RUNX2: variants seen among roughly 807,000 people sequenced by gnomAD.
The protein encoded by RUNX2 is runt-related transcription factor 2.
In RUNX2, 10 loss-of-function variants were observed where a neutral mutation model predicts 51.7. That is an observed-to-expected ratio of 0.19 (90% confidence interval 0.12 to 0.33). The LOEUF (loss-of-function observed/expected upper bound fraction) is 0.33, where lower values mean the gene tolerates loss of function less well. RUNX2 is among the 10% of genes least tolerant of loss of function. The pLI is 1.00. For missense variants in RUNX2, 562 were observed against 691.3 expected (o/e 0.81, Z 2.10); for synonymous variants, 276 against 273.6 (o/e 1.01, Z -0.09).
At chr6:45,502,287 C>T (rs534485980) in intron 6 of RUNX2, among the ~76,000 whole-genome samples, 3 of 152,284 alleles carry the variant, frequency 2.0e-5, no homozygotes, top group East Asian at 3.9e-4. Context: ...TTGTTCTGCT[C>T]TTTCTATGTA....
In RUNX2 at chr6:45,442,364, T is replaced by TAGC. The variant is rs1181447945; in HGVS notation, c.685+4324_685+4326dup. On this transcript the variant is annotated intron_variant, in intron 5 of 8. Transcript: ENST00000647337. Reference sequence around the variant, plus strand: ...ACAACTGTCAGCCGGAGAAGTGGTGTAGCAGCAGCAGCAATAGTAATGCAT... The same window carrying TAGC: ...ACAACTGTCAGCCGGAGAAGTGGTGTAGCAGCAGCAGCAGCAATAGTAATGCAT... Among the ~76,000 whole-genome samples, 3 of 152,342 alleles carry TAGC rather than the reference T, an allele frequency of 2.0e-5. No individual in the cohort carries two copies. The East Asian group carries it at 5.8e-4, about 29-fold the overall frequency.
chr6:45,386,636 G>A (rs1031949879), intron 2 of RUNX2, among the ~76,000 whole-genome samples: 1 of 152,132 alleles, frequency 6.6e-6, no homozygotes, highest in Admixed American at 6.5e-5. Context: ...TAAATGTTGG[G>A]TTTTTTTGTC....
chr6:45,465,101 A>G (rs945379164), intron 5 of RUNX2, among the ~76,000 whole-genome samples: 2 of 152,222 alleles, frequency 1.3e-5, no homozygotes, highest in Non-Finnish European at 2.9e-5. Flanking sequence ...ATGGTTCCTT[A>G]TAAATCACTC....
intron 5 of RUNX2, among the ~76,000 whole-genome samples, chr6:45,446,661 A>G (rs1226913287): frequency 2.0e-5 from 3 of 152,028 alleles, no homozygotes; most frequent in East Asian, 1.9e-4. Flanking sequence ...AATAGCAGGG[A>G]AAAAAAAGAT....
At chr6:45,494,775 T>G (rs1188964037) in intron 6 of RUNX2, among the ~76,000 whole-genome samples, 1 of 152,214 alleles carries the variant, frequency 6.6e-6, no homozygotes, top group African/African-American at 2.4e-5. Context: ...TAGGTTCAAT[T>G]TTTTAATCTC....
chr6:45,385,159 G>A (rs1047757625), intron 2 of RUNX2, among the ~76,000 whole-genome samples: 2 of 152,146 alleles, frequency 1.3e-5, no homozygotes, highest in Admixed American at 6.5e-5. Context: ...CTTCTTACTG[G>A]TGAATTTAGG....
chr6:45,446,487 C>T (rs1799002068), intron 5 of RUNX2, among the ~76,000 whole-genome samples: 1 of 151,100 alleles, frequency 6.6e-6, no homozygotes, highest in African/African-American at 2.4e-5. Flanking sequence ...CCCTCCCCCC[C>T]TTTTTTTGTC....
chr6:45,539,370 T>C (rs947407408), intron 7 of RUNX2, among the ~76,000 whole-genome samples: 2 of 152,206 alleles, frequency 1.3e-5, no homozygotes, highest in African/African-American at 4.8e-5. Flanking sequence ...TCGAGGGACT[T>C]TCCCTCTCTT....
chr6:45,470,111 A>G lies in RUNX2; in HGVS notation c.686-21830A>G, dbSNP rs372623467. On this transcript the variant is annotated intron_variant, in intron 5 of 8. Coordinates refer to ENST00000647337, the MANE Select transcript of RUNX2 (RefSeq NM_001024630.4). Reference sequence around the variant, plus strand: ...GTGTAGTTTTCATGGTTGTGTTTTCATTTATTAAATAATTAGTCGAACCAT... The same window carrying G: ...GTGTAGTTTTCATGGTTGTGTTTTCGTTTATTAAATAATTAGTCGAACCAT... 5.3e-5 allele frequency among the ~76,000 whole-genome samples: 8 copies of G among 152,310 alleles called. No homozygotes were observed. The East Asian group carries it at 5.8e-4, about 11-fold the overall frequency.
intron 6 of RUNX2, among the ~76,000 whole-genome samples, chr6:45,498,794 A>G (rs187993209): frequency 9.4e-4 from 143 of 152,320 alleles, no homozygotes; most frequent in African/African-American, 3.3e-3. Context: ...TGGCTGTCCT[A>G]GGATTCTAGT....
At chr6:45,465,900 C>T (rs995468745) in intron 5 of RUNX2, among the ~76,000 whole-genome samples, 2 of 152,006 alleles carry the variant, frequency 1.3e-5, no homozygotes, top group African/African-American at 4.8e-5. Flanking sequence ...CCCACCTTGG[C>T]CTCTCAAATT....
intron 2 of RUNX2, among the ~76,000 whole-genome samples, chr6:45,376,056 G>C (rs1796733620): frequency 6.6e-6 from 1 of 152,156 alleles, no homozygotes; most frequent in South Asian, 2.1e-4. Flanking sequence ...AACCAAAGTG[G>C]TAAAAGATAG....
chr6:45,358,218 T>C (rs773336018), intron 2 of RUNX2, among the ~76,000 whole-genome samples: 1 of 152,226 alleles, frequency 6.6e-6, no homozygotes, highest in South Asian at 2.1e-4. Context: ...AAGCATTCTA[T>C]AAATAATTTG....
At chr6:45,436,558 C>G (rs1202399079) in intron 4 of RUNX2, among the ~76,000 whole-genome samples, 1 of 152,166 alleles carries the variant, frequency 6.6e-6, no homozygotes, top group Non-Finnish European at 1.5e-5. Flanking sequence ...TCTTTTCTTT[C>G]CTGTTTTTTT....
chr6:45,532,721 T>C (rs560345283), intron 7 of RUNX2, among the ~76,000 whole-genome samples: 34 of 152,304 alleles, frequency 2.2e-4, no homozygotes, highest in African/African-American at 7.5e-4. Flanking sequence ...CTGTCTCTCC[T>C]GACCAGTCAC....
At chr6:45,437,660 G>C (rs1563086339) in intron 4 of RUNX2, among the ~76,000 whole-genome samples, 1 of 152,118 alleles carries the variant, frequency 6.6e-6, no homozygotes, top group Non-Finnish European at 1.5e-5. Flanking sequence ...AGTGGACCAG[G>C]GTTTTGTTTT....
At chr6:45,396,477 C>A (rs755481710) in intron 2 of RUNX2, among the ~76,000 whole-genome samples, 29 of 152,168 alleles carry the variant, frequency 1.9e-4, no homozygotes, top group Non-Finnish European at 3.4e-4. Flanking sequence ...ACCATTATAG[C>A]TCACTGCATT....
intron 6 of RUNX2, among the ~76,000 whole-genome samples, chr6:45,508,158 A>T (rs1801031352): frequency 6.6e-6 from 1 of 151,818 alleles, no homozygotes; most frequent in Non-Finnish European, 1.5e-5. Context: ...ATCCTCTTTA[A>T]AATTGTTTTT....
intron 3 of RUNX2, among the ~76,000 whole-genome samples, chr6:45,431,233 T>G (rs934091627): frequency 2.0e-5 from 3 of 152,168 alleles, no homozygotes; most frequent in African/African-American, 7.2e-5. Context: ...TCAATTATTT[T>G]CACCTTCAGT....
Sources: allele counts gnomAD v4.1 joint callset (sites outside exome capture counted in the v4.1 genomes callset), GRCh38; gene constraint gnomAD v4.1.1; transcripts MANE v1.5; gene names NCBI Gene and HGNC (gene_info 2026-07-23, HGNC 2026-07-21).